The following STIL variants were observed in gnomAD, a reference collection of about 807,000 sequenced individuals.
STIL encodes the protein SCL-interrupting locus protein.
In STIL, 55 loss-of-function variants were observed where a neutral mutation model predicts 110.1. The observed-to-expected ratio is 0.50, with a 90% CI of 0.40 to 0.63. The LOEUF (loss-of-function observed/expected upper bound fraction) is 0.63. Among genes scored for constraint, STIL ranks in the 20% least tolerant of loss-of-function variants. The pLI, the probability that STIL is intolerant of heterozygous loss-of-function variation, is 0.00. For missense variants in STIL, 1,358 were observed against 1,530.0 expected (o/e 0.89, Z 1.87); for synonymous variants, 481 against 530.0 (o/e 0.91, Z 1.27).
chr1:47,271,945 T>G (rs1644852689), intron 13 of STIL, 131 bp downstream of exon 13: 1 of 875,022 alleles, frequency 1.1e-6, no homozygotes. Flanking sequence ...CACAAAAACT[T>G]AAGTCATACT....
intron 16 of STIL, among the ~76,000 whole-genome samples, chr1:47,256,771 G>T (rs931876776): frequency 9.9e-5 from 15 of 152,214 alleles, no homozygotes; most frequent in African/African-American, 3.6e-4. Flanking sequence ...GAGGCAGGTG[G>T]ATCATCTGAG....
chr1:47,258,634 C>A (rs1364010509), intron 16 of STIL, among the ~76,000 whole-genome samples: 3 of 152,012 alleles, frequency 2.0e-5, no homozygotes, highest in Non-Finnish European at 2.9e-5. Context: ...TTTGGGAGGC[C>A]AAGGTGGGAA....
intron 14 of STIL, 98 bp downstream of exon 14, chr1:47,269,537 T>C: frequency 2.3e-6 from 2 of 865,620 alleles, no homozygotes; most frequent in South Asian, 3.0e-5. Flanking sequence ...AACATGCATC[T>C]AAACATTGTG....
intron 14 of STIL, among the ~76,000 whole-genome samples, chr1:47,264,672 C>T (rs552780620): frequency 2.0e-5 from 3 of 152,192 alleles, no homozygotes; most frequent in East Asian, 1.9e-4. Context: ...CCTGGAGTTG[C>T]GTGTCATCTA....
intron 10 of STIL, among the ~76,000 whole-genome samples, chr1:47,286,005 G>A (rs1369470679): frequency 6.6e-6 from 1 of 151,808 alleles, no homozygotes; most frequent in Non-Finnish European, 1.5e-5. Flanking sequence ...GTACCGAGTA[G>A]CTGGGATTAC....
At chr1:47,279,019 C>T (rs1486893785) in intron 12 of STIL, among the ~76,000 whole-genome samples, 2 of 151,882 alleles carry the variant, frequency 1.3e-5, no homozygotes, top group African/African-American at 2.4e-5. Flanking sequence ...TATGTATGGC[C>T]GGGCGCGGAG....
chr1:47,258,992 C>CTTTTTTTTCTT, intron 16 of STIL, among the ~76,000 whole-genome samples: 1 of 94,424 alleles, frequency 1.1e-5, no homozygotes, highest in African/African-American at 4.6e-5. Context: ...AGTAACTTTG[C>CTTTTTTTTCTT]TTTTTTTTTT....
intron 16 of STIL, among the ~76,000 whole-genome samples, chr1:47,254,935 A>C (rs1644288709): frequency 1.3e-5 from 2 of 152,176 alleles, no homozygotes. Flanking sequence ...GCCTAACACA[A>C]GCTAGCCAAT....
intron 6 of STIL, among the ~76,000 whole-genome samples, chr1:47,296,130 C>T (rs1645635914): frequency 6.6e-6 from 1 of 152,178 alleles, no homozygotes; most frequent in Non-Finnish European, 1.5e-5. Flanking sequence ...ACTTTACTTA[C>T]AATTTACTTT....
At chr1:47,289,737 A>C in intron 8 of STIL, 152 bp from the exon 9 acceptor site, 1 of 693,464 alleles carries the variant, frequency 1.4e-6, no homozygotes, top group South Asian at 1.7e-5. Context: ...GGAAGGCAAA[A>C]GGTGGGAGGA....
At chr1:47,279,717 G>A (rs1449362793) in intron 12 of STIL, among the ~76,000 whole-genome samples, 1 of 113,514 alleles carries the variant, frequency 8.8e-6, no homozygotes, top group African/African-American at 4.1e-5. Flanking sequence ...CAACAGAAGA[G>A]ACTCCGTCTC....
Position 47,258,644 on chromosome 1 carries a change from A to C in STIL, c.3080+1645T>G, listed in dbSNP as rs184615262. Among the ~76,000 whole-genome samples, 1,134 of 152,264 alleles carry C rather than the reference A, an allele frequency of 7.4e-3. 15 individuals carry two copies. The highest frequency in any genetic ancestry group is 0.026 in the African/African-American group (1,060 of 41,564). On this transcript the variant is annotated intron_variant, in intron 16 of 16. Transcript: ENST00000371877. Reference sequence around the variant, plus strand: ...AGCACTTTGGGAGGCCAAGGTGGGAAGATTGCTTGAGTCTAAGAGTTTGTC... The same window carrying C: ...AGCACTTTGGGAGGCCAAGGTGGGACGATTGCTTGAGTCTAAGAGTTTGTC...
In STIL at chr1:47,295,825, C is replaced by A. The variant is rs750455029; in HGVS notation, c.725G>T (p.Arg242Leu). The stretch of plus-strand genomic sequence containing the variant: ...AGATTCCAACAAAAGTAACAATTTG[C>A]GTGTTTCATCCATGGTAAGATATCT... ...KYGYLTMDET[R>L]KLLLLLESDP... Residue 242 changes from arginine (R) to leucine (L), a missense_variant, in exon 7 of 17, where the codon CGC (arginine) becomes CTC (leucine). Coordinates refer to ENST00000371877, the MANE Select transcript of STIL (RefSeq NM_001048166.1). 1 of 1,612,318 alleles carries A rather than the reference C, an allele frequency of 6.2e-7. No individual in the cohort carries two copies. The highest frequency in any genetic ancestry group is 8.5e-7 in the Non-Finnish European group (1 of 1,178,818).
At chr1:47,256,792 C>T (rs936348160) in intron 16 of STIL, among the ~76,000 whole-genome samples, 5 of 151,910 alleles carry the variant, frequency 3.3e-5, no homozygotes, top group East Asian at 1.9e-4. Context: ...GTTGGGAGTT[C>T]GAGACCAGCC....
At chr1:47,288,057 GT>G (rs1358491809) in intron 9 of STIL, among the ~76,000 whole-genome samples, 1 of 147,320 alleles carries the variant, frequency 6.8e-6, no homozygotes, top group Admixed American at 6.8e-5. Context: ...GTAATATAAT[GT>G]ATATATTATA....
intron 8 of STIL, among the ~76,000 whole-genome samples, chr1:47,292,946 C>T (rs1269614502): frequency 6.6e-6 from 1 of 152,138 alleles, no homozygotes; most frequent in African/African-American, 2.4e-5. Flanking sequence ...ACAAAGATGT[C>T]ACCTTCTTTA....
intron 13 of STIL, 98 bp downstream of exon 13, chr1:47,271,978 T>C (rs1280377545): frequency 3.9e-5 from 52 of 1,343,798 alleles, no homozygotes; most frequent in Non-Finnish European, 5.3e-5. Context: ...GTTTTGGTCC[T>C]ACTGCACCAT....
intron 10 of STIL, among the ~76,000 whole-genome samples, chr1:47,286,654 A>C (rs1645309648): frequency 6.6e-6 from 1 of 151,822 alleles, no homozygotes. Flanking sequence ...GAGATACGCC[A>C]CTGCACTCCA....
intron 14 of STIL, among the ~76,000 whole-genome samples, chr1:47,264,405 G>C (rs755764571): frequency 7.2e-5 from 11 of 152,120 alleles, no homozygotes; most frequent in Non-Finnish European, 1.5e-4. Context: ...CTCAACAAAA[G>C]ATTTAAGATT....
Sources: gnomAD v4.1 joint callset for allele counts (sites outside exome capture counted in the v4.1 genomes callset) on GRCh38, gnomAD v4.1.1 for gene constraint, MANE v1.5 for transcripts, NCBI Gene and HGNC (gene_info 2026-07-23, HGNC 2026-07-21) for gene names.